PPP4C: variants seen among roughly 807,000 people sequenced by gnomAD.
The protein encoded by PPP4C is serine/threonine-protein phosphatase 4 catalytic subunit.
In PPP4C, 10 loss-of-function variants were observed where a neutral mutation model predicts 40.5. The observed-to-expected ratio is 0.25, with a 90% CI of 0.15 to 0.42. The LOEUF is 0.42. Among genes scored for constraint, PPP4C ranks in the 10% least tolerant of loss-of-function variants. The probability of loss-of-function intolerance (pLI) is 1.00; values close to 1 mark genes in which losing one functional copy is unlikely to be tolerated. For missense variants in PPP4C, 191 were observed against 416.4 expected, an observed-to-expected ratio of 0.46 and a Z score of 4.71; for synonymous variants, 187 against 163.6, an observed-to-expected ratio of 1.14 and a Z score of -1.09.
intron 3 of PPP4C, among the ~76,000 whole-genome samples, chr16:30,082,003 C>T (rs1336214076): frequency 6.6e-6 from 1 of 150,680 alleles, no homozygotes; most frequent in Non-Finnish European, 1.5e-5. Context: ...TGCAGTGAGC[C>T]GAGATCGCGC....
At chr16:30,076,614 C>T (rs562627499) in intron 2 of PPP4C, 139 bp downstream of exon 2, 16 of 793,446 alleles carry the variant, frequency 2.0e-5, no homozygotes, top group Non-Finnish European at 3.1e-5. Flanking sequence ...CCGCTGCCCT[C>T]GAGGAAAAGC....
chr16:30,076,245 C>G (rs1196063864), intron 1 of PPP4C, 70 bp from the exon 2 acceptor site: 20 of 914,804 alleles, frequency 2.2e-5, no homozygotes, highest in Non-Finnish European at 2.8e-5. Flanking sequence ...CGGGCCGGCT[C>G]TAGAATCGAG....
rs1391566511 is a variant in PPP4C, at chr16:30,076,037, A to G, written c.-121A>G. The G allele has an allele frequency of 1.0e-5, 4 of 383,840 alleles. No individual in the cohort carries two copies. In the East Asian group the frequency reaches 1.8e-4, roughly 17 times the overall value. The allele number at this position is 383,840 out of a possible 1,614,324, so 23.8% of individuals were successfully genotyped here. On this transcript the variant is annotated 5_prime_UTR_variant, in exon 1 of 9. Coordinates refer to ENST00000279387, the MANE Select transcript of PPP4C (RefSeq NM_002720.3). Reference sequence around the variant, plus strand: ...GGCGGCGGCGGCGGCGGCGGTCGAAAGCGGAGTGAAAGAGGGAGGCAGGGA... The same window carrying G: ...GGCGGCGGCGGCGGCGGCGGTCGAAGGCGGAGTGAAAGAGGGAGGCAGGGA...
chr16:30,082,973 C>T (rs2072539958), intron 5 of PPP4C, 126 bp downstream of exon 5: 6 of 827,284 alleles, frequency 7.3e-6, no homozygotes, highest in African/African-American at 1.7e-5. Flanking sequence ...GGTGATGGAC[C>T]GATTCTGCTT....
intron 2 of PPP4C, among the ~76,000 whole-genome samples, chr16:30,078,860 G>A (rs2072452394): frequency 6.6e-6 from 1 of 152,210 alleles, no homozygotes; most frequent in Non-Finnish European, 1.5e-5. Flanking sequence ...TGAGAGTCCG[G>A]GTATCCGGGC....
rs1161887980 is a variant in PPP4C, at chr16:30,076,311, C to G, written c.-63-4C>G. 14 of 1,530,156 alleles carry G rather than the reference C, an allele frequency of 9.1e-6. No individual in the cohort carries two copies. The East Asian group carries it at 3.0e-4, about 33-fold the overall frequency. 94.8% of individuals were successfully genotyped at this position (1,530,156 alleles called of 1,614,324 possible). A position where few individuals can be genotyped will look rare whatever the true frequency, so the allele number is the denominator to read the frequency against. ...ATCCGCGGGCTCGTCTTGGCCTTTC[C>G]CAGGAGACCCCTGTGCGGTGCGGAG... is the stretch of plus-strand genomic sequence containing the variant. On this transcript the variant is annotated splice_region_variant and splice_polypyrimidine_tract_variant and intron_variant, in intron 1 of 8. Transcript: ENST00000279387.
rs759422119 is a variant in PPP4C, at chr16:30,083,517, T to C, written c.427T>C (p.Cys143Arg). ...CGGCTCGGTGACTGTGTGGCGCTAC[T>C]GCACTGAGATCTTTGACTACCTCAG... ...KYGSVTVWRY[C>R]TEIFDYLSLS... is the part of the protein sequence containing the mutation. The change falls in exon 6 of 9, where the codon TGC (cysteine) becomes CGC (arginine). Residue 143 changes from cysteine (C) to arginine (R), a missense_variant. Cys to Arg is a radical substitution (Grantham distance 180). Transcript: ENST00000279387. The surrounding 1 kb of genome is among the most constrained non-coding windows in gnomAD (Gnocchi z 6.3). The C allele has an allele frequency of 6.2e-7, 1 of 1,614,120 alleles. No homozygotes were observed. Among genetic ancestry groups the C allele is most frequent in the South Asian group, 1.1e-5 (1 of 91,084 alleles).
intron 2 of PPP4C, 174 bp from the exon 3 acceptor site, chr16:30,081,085 A>C: frequency 1.3e-6 from 1 of 772,140 alleles, no homozygotes; most frequent in African/African-American, 1.7e-5. Flanking sequence ...GGGCCACGGA[A>C]GGGTGTTGCA....
chr16:30,076,276 A>G (rs2072391440), intron 1 of PPP4C, 39 bp from the exon 2 acceptor site: 7 of 1,203,068 alleles, frequency 5.8e-6, no homozygotes, highest in Non-Finnish European at 5.9e-6. Context: ...CGAGCCCCGG[A>G]CGGACACTGA....
At chr16:30,076,541 CCCAA>C (rs2072402124) in intron 2 of PPP4C, 66 bp downstream of exon 2, 7 of 1,482,032 alleles carry the variant, frequency 4.7e-6, no homozygotes, top group Middle Eastern at 3.4e-4. Flanking sequence ...CTGGGGCAAA[CCCAA>C]CTGAGAACTT....
In PPP4C at chr16:30,084,700, C is replaced by T. The variant is rs139385827; in HGVS notation, c.639C>T (p.Ala213=). The change falls in exon 8 of 9, where the codon GCC becomes GCT. Residue 213 remains alanine, a synonymous_variant. Transcript: ENST00000279387. ...TTGWGVSPRG[A]GYLFGSDVVA... is the part of the protein sequence containing the mutation. ...GCTGGGGCGTGAGCCCCCGAGGAGC[C>T]GGCTACCTATTTGGCAGTGACGTGG... 2.1e-4 allele frequency: 336 copies of T among 1,614,108 alleles called. 2 individuals are homozygous for T. The highest frequency in any genetic ancestry group is 4.9e-4 in the Middle Eastern group (3 of 6,082).
chr16:30,082,947 T>G, intron 5 of PPP4C, 100 bp downstream of exon 5: 1 of 1,040,214 alleles, frequency 9.6e-7, no homozygotes. Context: ...CAGCCCCACC[T>G]TGGAGCTGTG....
chr16:30,078,299 A>G (rs1193847177), intron 2 of PPP4C, among the ~76,000 whole-genome samples: 1 of 152,194 alleles, frequency 6.6e-6, no homozygotes, highest in African/African-American at 2.4e-5. Flanking sequence ...CTTTGAGTAG[A>G]TAATGTCTTG....
intron 1 of PPP4C, 73 bp from the exon 2 acceptor site, chr16:30,076,242 G>A (rs2072389853): frequency 6.8e-6 from 6 of 879,462 alleles, no homozygotes; most frequent in African/African-American, 3.4e-5. Context: ...AGCCGGGCCG[G>A]CTCTAGAATC....
intron 2 of PPP4C, among the ~76,000 whole-genome samples, chr16:30,080,864 T>G (rs1286409816): frequency 1.3e-5 from 2 of 152,166 alleles, no homozygotes; most frequent in East Asian, 3.9e-4. Flanking sequence ...CCTACCCTTG[T>G]GTCTGGATAG....
chr16:30,079,159 C>T (rs940551204), intron 2 of PPP4C, among the ~76,000 whole-genome samples: 50 of 151,904 alleles, frequency 3.3e-4, no homozygotes, highest in African/African-American at 9.4e-4. Flanking sequence ...TTGACCCTCC[C>T]GCTTTTCTGT....
chr16:30,082,737 T>G lies in PPP4C; in HGVS notation c.202-9T>G. ...TTACGACAGGGCAAAACTTTCTACT[T>G]CCCCACAGGTAGGTGGCGACGTCCC... On this transcript the variant is annotated splice_polypyrimidine_tract_variant and intron_variant, in intron 4 of 8. Transcript: ENST00000279387. 1.2e-6 allele frequency: 2 copies of G among 1,612,072 alleles called. No individual in the cohort carries two copies. The highest frequency in any genetic ancestry group is 1.7e-6 in the Non-Finnish European group (2 of 1,178,620).
chr16:30,076,536 G>A, intron 2 of PPP4C, 61 bp downstream of exon 2: 1 of 1,507,746 alleles, frequency 6.6e-7, no homozygotes. Flanking sequence ...CTGGCCTGGG[G>A]CAAACCCAAC....
In PPP4C at chr16:30,084,625, G is replaced by T. The variant is rs766174626; in HGVS notation, c.605-41G>T. ...AGGGGCAGCGCTGGCAGCCAGAGAA[G>T]CCTGAGGACATCCCTCTCCATCCCT... On this transcript the variant is annotated intron_variant, in intron 7 of 8. Transcript: ENST00000279387. The T allele has an allele frequency of 3.8e-6, 6 of 1,593,662 alleles. No individual in the cohort carries two copies. In the Admixed American group the frequency reaches 8.4e-5, roughly 22 times the overall value.
Sources: gnomAD v4.1 joint callset for allele counts (sites outside exome capture counted in the v4.1 genomes callset) on GRCh38, gnomAD v4.1.1 for gene constraint, Gnocchi (gnomAD v3.1) non-coding constraint, MANE v1.5 for transcripts, NCBI Gene and HGNC (gene_info 2026-07-23, HGNC 2026-07-21) for gene names.